Variants in CACNG2 observed in about 807,000 individuals in gnomAD.
The protein encoded by CACNG2 is calcium voltage-gated channel auxiliary subunit gamma 2.
CACNG2 carries 3 observed loss-of-function variants against 25.9 expected under a neutral mutation model. That is an observed-to-expected ratio of 0.12 (90% confidence interval 0.05 to 0.30). CACNG2 has a LOEUF of 0.30. Ranked by LOEUF, CACNG2 falls within the 10% of genes least tolerant of loss-of-function variation. The pLI is 1.00. For synonymous variants in CACNG2, 167 were observed against 173.3 expected (o/e 0.96, Z 0.29); for missense variants, 341 against 432.5 (o/e 0.79, Z 1.88).
chr22:36,636,162 C>T (rs1486210341), intron 1 of CACNG2, among the ~76,000 whole-genome samples: 1 of 152,172 alleles, frequency 6.6e-6, no homozygotes, highest in Non-Finnish European at 1.5e-5. Flanking sequence ...CCACTGAGTA[C>T]CTGATTGTCT....
chr22:36,583,080 G>T (rs907753305), intron 2 of CACNG2, among the ~76,000 whole-genome samples: 33 of 152,014 alleles, frequency 2.2e-4, no homozygotes, highest in African/African-American at 7.5e-4. Context: ...CTTGGGTTTA[G>T]GAATACTCCG....
intron 1 of CACNG2, among the ~76,000 whole-genome samples, chr22:36,613,467 T>C (rs964591262): frequency 6.6e-6 from 1 of 152,212 alleles, no homozygotes; most frequent in African/African-American, 2.4e-5. Flanking sequence ...GGCTTCTTTC[T>C]TGATGTGCCG....
chr22:36,576,573 CGTGTGTGTGT>C (rs1025395207), intron 2 of CACNG2, among the ~76,000 whole-genome samples: 2 of 142,252 alleles, frequency 1.4e-5, no homozygotes, highest in African/African-American at 5.2e-5. Context: ...TCTGTGTGTG[CGTGTGTGTGT>C]GTGTGTGTAT....
Position 36,563,940 on chromosome 22 carries a change from A to G in CACNG2, c.*411T>C, listed in dbSNP as rs1223471298. The G allele has an allele frequency of 1.0e-5, 1 of 99,794 alleles. No individual in the cohort carries two copies. Among genetic ancestry groups the G allele is most frequent in the African/African-American group, 3.4e-5 (1 of 29,346 alleles). 6.2% of individuals were successfully genotyped at this position (99,794 alleles called of 1,614,324 possible). A position where few individuals can be genotyped will look rare whatever the true frequency, so the allele number is the denominator to read the frequency against. ...TTTTTTTTTTTTTTGCTTTAATGTTATCTTGGTTCCCTTTTATTTTTTCAT... is the reference window on the plus strand; with the variant it reads ...TTTTTTTTTTTTTTGCTTTAATGTTGTCTTGGTTCCCTTTTATTTTTTCAT... On this transcript the variant is annotated 3_prime_UTR_variant, in exon 4 of 4. Transcript: ENST00000300105.
At chr22:36,689,710 ATC>A (rs1370617361) in intron 1 of CACNG2, among the ~76,000 whole-genome samples, 2 of 152,208 alleles carry the variant, frequency 1.3e-5, no homozygotes, top group Non-Finnish European at 2.9e-5. Context: ...TCTCCCTCCC[ATC>A]TCTCTGCAGC....
intron 2 of CACNG2, among the ~76,000 whole-genome samples, chr22:36,581,478 C>T (rs1935418327): frequency 6.6e-6 from 1 of 152,214 alleles, no homozygotes; most frequent in Non-Finnish European, 1.5e-5. Flanking sequence ...TGAGCCCCAC[C>T]ATCCTTTCCA....
intron 2 of CACNG2, among the ~76,000 whole-genome samples, 185 bp from the exon 3 acceptor site, chr22:36,566,678 T>C (rs1935133483): frequency 6.6e-6 from 1 of 152,194 alleles, no homozygotes; most frequent in African/African-American, 2.4e-5. Flanking sequence ...CTCACAGCCC[T>C]GCAGGAGCTC....
chr22:36,620,254 G>A (rs372442925), intron 1 of CACNG2, among the ~76,000 whole-genome samples: 25 of 152,314 alleles, frequency 1.6e-4, no homozygotes, highest in African/African-American at 5.8e-4. Flanking sequence ...TTCCAAATCT[G>A]TTTGCAGAGG....
chr22:36,694,396 G>A (rs55993094), intron 1 of CACNG2, among the ~76,000 whole-genome samples: 2,209 of 152,324 alleles, frequency 0.015, 18 homozygotes, highest in South Asian at 0.037. Context: ...AGGACTGGGG[G>A]CTGGCTAGGC....
At chr22:36,666,145 C>G (rs1377342562) in intron 1 of CACNG2, among the ~76,000 whole-genome samples, 4 of 152,222 alleles carry the variant, frequency 2.6e-5, no homozygotes, top group Non-Finnish European at 4.4e-5. Flanking sequence ...TGGCTCAAAC[C>G]TGTAACACTA....
intron 1 of CACNG2, among the ~76,000 whole-genome samples, chr22:36,621,907 C>T (rs1374247859): frequency 6.6e-6 from 1 of 152,198 alleles, no homozygotes; most frequent in African/African-American, 2.4e-5. Flanking sequence ...GCGAGACAAA[C>T]CATACTGTTT....
intron 1 of CACNG2, among the ~76,000 whole-genome samples, chr22:36,646,728 C>T (rs1353376751): frequency 6.6e-6 from 1 of 151,742 alleles, no homozygotes; most frequent in Non-Finnish European, 1.5e-5. Context: ...AGCTTTCCCC[C>T]AACCCTTTTC....
At chr22:36,649,157 C>T (rs1936570856) in intron 1 of CACNG2, among the ~76,000 whole-genome samples, 2 of 152,160 alleles carry the variant, frequency 1.3e-5, no homozygotes, top group Admixed American at 1.3e-4. Flanking sequence ...CCGCGGAGCT[C>T]CCAATCTCCC....
rs115196925 is a variant in CACNG2, at chr22:36,597,401, C to G, written c.212-9853G>C. Among the ~76,000 whole-genome samples, 1,470 of 152,280 alleles carry G rather than the reference C, an allele frequency of 9.7e-3. 25 individuals are homozygous for G. The highest frequency in any genetic ancestry group is 0.034 in the African/African-American group (1,408 of 41,548). On this transcript the variant is annotated intron_variant, in intron 1 of 3. Transcript: ENST00000300105. Reference sequence around the variant, plus strand: ...AAAGATTTGGCTTCTAAGCCTGGCTCTGTTACCTAGTAGCTGTGTGAATTT... The same window carrying G: ...AAAGATTTGGCTTCTAAGCCTGGCTGTGTTACCTAGTAGCTGTGTGAATTT...
At chr22:36,678,566 C>T (rs1362916411) in intron 1 of CACNG2, among the ~76,000 whole-genome samples, 1 of 152,018 alleles carries the variant, frequency 6.6e-6, no homozygotes, top group Non-Finnish European at 1.5e-5. Flanking sequence ...ATTCTCTCAT[C>T]ATTTCCACAA....
intron 1 of CACNG2, among the ~76,000 whole-genome samples, chr22:36,655,715 CTT>C (rs1472839120): frequency 7.5e-6 from 1 of 132,902 alleles, no homozygotes; most frequent in Non-Finnish European, 1.5e-5. Flanking sequence ...TTCTCTTTCT[CTT>C]TCTTTCTTTT....
intron 1 of CACNG2, among the ~76,000 whole-genome samples, chr22:36,620,098 A>G (rs1936082713): frequency 6.6e-6 from 1 of 152,262 alleles, no homozygotes; most frequent in African/African-American, 2.4e-5. Flanking sequence ...GCATACACAC[A>G]CACACACAGT....
chr22:36,661,966 CTTTTT>C (rs71193254), intron 1 of CACNG2, among the ~76,000 whole-genome samples: 76 of 44,558 alleles, frequency 1.7e-3, no homozygotes, highest in African/African-American at 3.1e-3. Context: ...CATTGCTATT[CTTTTT>C]TTTTTTTTTT....
chr22:36,641,709 C>T (rs1016394174), intron 1 of CACNG2, among the ~76,000 whole-genome samples: 6 of 152,178 alleles, frequency 3.9e-5, no homozygotes, highest in Non-Finnish European at 5.9e-5. Flanking sequence ...ATAATATGAA[C>T]AGAATTTAGA....
Sources: gnomAD v4.1 joint callset for allele counts (sites outside exome capture counted in the v4.1 genomes callset) on GRCh38, gnomAD v4.1.1 for gene constraint, MANE v1.5 for transcripts, NCBI Gene and HGNC (gene_info 2026-07-23, HGNC 2026-07-21) for gene names.